Variants in SHOC2 observed in about 807,000 individuals in gnomAD.
SHOC2 encodes the protein SHOC2 leucine rich repeat scaffold protein.
Under a neutral mutation model 50.2 loss-of-function variants are expected in SHOC2, and 4 were observed. That is an observed-to-expected ratio of 0.08 (90% CI 0.04 to 0.18). The LOEUF is 0.18. Among genes scored for constraint, SHOC2 ranks in the 10% least tolerant of loss-of-function variants. SHOC2 has a pLI of 1.00. For missense variants in SHOC2, 388 were observed against 669.6 expected, an observed-to-expected ratio of 0.58 and a Z score of 4.64; for synonymous variants, 218 against 244.5, an observed-to-expected ratio of 0.89 and a Z score of 1.01.
intron 1 of SHOC2, among the ~76,000 whole-genome samples, chr10:110,959,071 C>A (rs569853018): frequency 6.6e-6 from 1 of 151,998 alleles, no homozygotes; most frequent in African/African-American, 2.4e-5. Context: ...AATGCTTAGG[C>A]ACAATGATAT....
chr10:110,938,942 GT>G (rs1226361396), intron 1 of SHOC2, among the ~76,000 whole-genome samples: 2 of 152,118 alleles, frequency 1.3e-5, no homozygotes, highest in Non-Finnish European at 2.9e-5. Context: ...AAATCTGAGA[GT>G]TTTTTGACAT....
At chr10:110,973,894 T>C (rs1847829327) in intron 2 of SHOC2, among the ~76,000 whole-genome samples, 1 of 151,736 alleles carries the variant, frequency 6.6e-6, no homozygotes, top group Non-Finnish European at 1.5e-5. Flanking sequence ...TATATATATA[T>C]AGTGGTGTTC....
At chr10:111,006,595 C>T (rs567117657) in intron 5 of SHOC2, among the ~76,000 whole-genome samples, 2 of 152,290 alleles carry the variant, frequency 1.3e-5, no homozygotes, top group East Asian at 3.9e-4. Context: ...TGGTCTCGAT[C>T]TCCTGACCTC....
chr10:110,935,072 TG>T (rs1033646137), intron 1 of SHOC2, among the ~76,000 whole-genome samples: 3 of 152,246 alleles, frequency 2.0e-5, no homozygotes, highest in African/African-American at 7.2e-5. Flanking sequence ...TTAAGTTTTT[TG>T]TAAATGATAG....
At chr10:110,993,994 C>A (rs892884065) in intron 3 of SHOC2, among the ~76,000 whole-genome samples, 14 of 152,198 alleles carry the variant, frequency 9.2e-5, no homozygotes, top group African/African-American at 3.4e-4. Flanking sequence ...CCTCTTATGG[C>A]AGACTTCAAA....
chr10:110,980,215 G>A (rs1193440597), intron 2 of SHOC2, among the ~76,000 whole-genome samples: 4 of 147,066 alleles, frequency 2.7e-5, no homozygotes, highest in East Asian at 4.0e-4. Context: ...GGAGTGCAGT[G>A]GCGCAGTCTC....
chr10:110,947,766 CAA>C (rs35892835), intron 1 of SHOC2, among the ~76,000 whole-genome samples: 20 of 104,780 alleles, frequency 1.9e-4, no homozygotes, highest in South Asian at 3.2e-4. Context: ...AAATAAGTAC[CAA>C]AAAAAAAAAA....
intron 1 of SHOC2, among the ~76,000 whole-genome samples, chr10:110,932,509 T>C (rs1056885397): frequency 1.3e-5 from 2 of 152,102 alleles, no homozygotes; most frequent in African/African-American, 4.8e-5. Flanking sequence ...GCCAATGGCA[T>C]TGAGAAATTT....
chr10:110,922,937 T>C (rs1846683578), intron 1 of SHOC2, among the ~76,000 whole-genome samples: 3 of 152,106 alleles, frequency 2.0e-5, no homozygotes, highest in Non-Finnish European at 2.9e-5. Context: ...CTTAAATGAG[T>C]ACTTCAAATA....
intron 1 of SHOC2, among the ~76,000 whole-genome samples, chr10:110,932,907 G>T (rs75087565): frequency 0.028 from 4,234 of 152,214 alleles, 103 homozygotes; most frequent in South Asian, 0.1. Flanking sequence ...AAATTTAAAT[G>T]TAATTGGAGA....
chr10:111,007,582 G>T lies in SHOC2; in HGVS notation c.1213G>T (p.Val405Leu). Residue 405 changes from valine to leucine, a missense_variant, in exon 6 of 9, where the codon GTA becomes TTA. Physicochemically the swap from Val to Leu is conservative, Grantham distance 32. Coordinates refer to ENST00000369452, the MANE Select transcript of SHOC2 (RefSeq NM_007373.4). ...GGATTTTGGAACTTGGACCAGTATG[G>T]TAGAATTGAATTTAGCCACTAATCA... ...PLDFGTWTSMVELNLATNQLT... is the reference protein window; with the variant it reads ...PLDFGTWTSMLELNLATNQLT... 1.2e-6 allele frequency: 2 copies of T among 1,613,674 alleles called. No individual in the cohort carries two copies. Among genetic ancestry groups the T allele is most frequent in the Non-Finnish European group, 1.7e-6 (2 of 1,179,724 alleles).
At chr10:111,010,554 G>A (rs1456664629) in intron 8 of SHOC2, among the ~76,000 whole-genome samples, 8 of 152,098 alleles carry the variant, frequency 5.3e-5, no homozygotes, top group Non-Finnish European at 1.0e-4. Flanking sequence ...AGGGGGGAAG[G>A]ATAGCATTAG....
intron 2 of SHOC2, among the ~76,000 whole-genome samples, chr10:110,970,513 T>C (rs2134128786): frequency 6.6e-6 from 1 of 152,338 alleles, no homozygotes; most frequent in East Asian, 1.9e-4. Context: ...AGGTATCTCT[T>C]TGATATGCTG....
At chr10:110,987,068 C>A (rs1233233669) in intron 3 of SHOC2, among the ~76,000 whole-genome samples, 3 of 152,134 alleles carry the variant, frequency 2.0e-5, no homozygotes, top group Admixed American at 6.5e-5. Flanking sequence ...TTGGCAGGCC[C>A]TAGATTTTGA....
intron 2 of SHOC2, among the ~76,000 whole-genome samples, chr10:110,970,706 TTTG>T (rs954220663): frequency 2.1e-5 from 3 of 146,128 alleles, no homozygotes; most frequent in South Asian, 2.3e-4. Context: ...TCTATCTGTT[TTTG>T]TTGTTGTTGT....
intron 1 of SHOC2, chr10:110,937,148 A>G: frequency 6.6e-7 from 1 of 1,524,202 alleles, no homozygotes; most frequent in Non-Finnish European, 9.1e-7. Flanking sequence ...CTTCCGGCCC[A>G]GCAGTACCTG....
At chr10:110,969,948 T>C (rs1007649129) in intron 2 of SHOC2, among the ~76,000 whole-genome samples, 3 of 152,218 alleles carry the variant, frequency 2.0e-5, no homozygotes, top group Non-Finnish European at 4.4e-5. Flanking sequence ...CAATGTGATG[T>C]TTCCATACAT....
At chr10:110,983,820 G>C (rs964781582) in intron 2 of SHOC2, among the ~76,000 whole-genome samples, 1 of 151,966 alleles carries the variant, frequency 6.6e-6, no homozygotes, top group African/African-American at 2.4e-5. Context: ...TGTTTTCCAG[G>C]TTTATCCATG....
chr10:110,970,699 A>G (rs1434855517), intron 2 of SHOC2, among the ~76,000 whole-genome samples: 6 of 145,040 alleles, frequency 4.1e-5, no homozygotes, highest in Admixed American at 2.1e-4. Flanking sequence ...ACCAGTATCT[A>G]TCTGTTTTTG....
Sources: gnomAD v4.1 joint callset for allele counts (sites outside exome capture counted in the v4.1 genomes callset) on GRCh38, gnomAD v4.1.1 for gene constraint, MANE v1.5 for transcripts, NCBI Gene and HGNC (gene_info 2026-07-23, HGNC 2026-07-21) for gene names.